TADA3: variants seen among roughly 807,000 people sequenced by gnomAD.
TADA3 encodes the protein transcriptional adaptor 3.
TADA3 carries 25 observed loss-of-function variants against 43.2 expected under a neutral mutation model. The ratio of observed to expected loss-of-function variants is 0.58; its 90% confidence interval spans 0.42 to 0.81. The LOEUF (loss-of-function observed/expected upper bound fraction) is 0.81, where lower values mean the gene tolerates loss of function less well. Ranked by LOEUF, TADA3 falls within the 30% of genes least tolerant of loss-of-function variation. The pLI is 0.00. For missense variants in TADA3, 441 were observed against 567.8 expected (o/e 0.78, Z 2.27); for synonymous variants, 235 against 225.5 (o/e 1.04, Z -0.38).
chr3:9,792,775 G>C, upstream of TADA3: 1 of 1,260,262 alleles, frequency 7.9e-7, no homozygotes, highest in Non-Finnish European at 1.0e-6. Flanking sequence ...GCTTCGGCTT[G>C]TCCTAATTTG....
Position 9,789,412 on chromosome 3 carries a change from G to A in TADA3, c.564+97C>T, listed in dbSNP as rs1454776270. Reference sequence around the variant, plus strand: ...CAGACAGCAGACTGGGCAGGGTTGGGGAAGGAAGATGATGCATGGCTTTGG... The same window carrying A: ...CAGACAGCAGACTGGGCAGGGTTGGAGAAGGAAGATGATGCATGGCTTTGG... On this transcript the variant is annotated intron_variant, in intron 4 of 8. Coordinates refer to ENST00000301964, the MANE Select transcript of TADA3 (RefSeq NM_006354.5). 3 of 1,147,540 alleles carry A rather than the reference G, an allele frequency of 2.6e-6. No individual in the cohort carries two copies. The Admixed American group carries it at 6.7e-5, about 26-fold the overall frequency. The allele number at this position is 1,147,540 out of a possible 1,614,324, so 71.1% of individuals were successfully genotyped here. A position where few individuals can be genotyped will look rare whatever the true frequency, so the allele number is the denominator to read the frequency against.
At position 9,792,356 on chromosome 3, in the gene TADA3, A is replaced by C; in HGVS notation, c.-168T>G. The C allele has an allele frequency of 2.7e-6, 1 of 377,086 alleles. No homozygotes were observed. Among genetic ancestry groups the C allele is most frequent in the East Asian group, 1.4e-4 (1 of 7,400 alleles). 23.4% of individuals were successfully genotyped at this position (377,086 alleles called of 1,614,324 possible). The stretch of plus-strand genomic sequence containing the variant: ...CCCGCCTTCAGAGTCCTCGTTCTCT[A>C]GGGACACCCTAGTGCGACCCCCGCC... On this transcript the variant is annotated 5_prime_UTR_variant, in exon 1 of 9. Transcript: ENST00000301964.
chr3:9,781,833 C>CTTTTTTTT (rs35246642), intron 8 of TADA3, among the ~76,000 whole-genome samples: 14 of 86,868 alleles, frequency 1.6e-4, no homozygotes, highest in Non-Finnish European at 1.9e-4. Flanking sequence ...CCCATTACTT[C>CTTTTTTTT]TTTTTTTTTT....
At chr3:9,785,467 C>T (rs1252308786) in intron 6 of TADA3, 42 bp from the exon 7 acceptor site, 1 of 1,376,918 alleles carries the variant, frequency 7.3e-7, no homozygotes. Context: ...AATAGCTGTT[C>T]CACTTTCCTG....
chr3:9,788,948 G>T (rs1223866065), intron 4 of TADA3, among the ~76,000 whole-genome samples: 2 of 151,700 alleles, frequency 1.3e-5, no homozygotes, highest in Non-Finnish European at 2.9e-5. Context: ...AGATCCTCCT[G>T]ACTCAGCCTC....
At chr3:9,783,918 T>C in intron 8 of TADA3, 110 bp downstream of exon 8, 1 of 1,424,950 alleles carries the variant, frequency 7.0e-7, no homozygotes, top group South Asian at 1.5e-5. Context: ...CCAGGTGATT[T>C]AGAGGCCAGC....
chr3:9,781,738 G>T (rs1427914715), intron 8 of TADA3: 5 of 380,472 alleles, frequency 1.3e-5, no homozygotes, highest in Admixed American at 1.1e-4. Flanking sequence ...TCAGGTCAGG[G>T]GCTGCTTAAG....
chr3:9,780,396 C>T lies in TADA3; in HGVS notation c.1260G>A (p.Leu420=), dbSNP rs1362017933. ...GCTTCAGGATGCTCTCACGCTCCTT[C>T]AGAGTCTTCCAGGCCTGGTCCTTTT... ...KKEKDQAWKT[L]KERESILKLL... The change falls in exon 9 of 9, where the codon CTG becomes CTA. Residue 420 remains leucine, a synonymous_variant. Transcript: ENST00000301964. The T allele has an allele frequency of 6.2e-7, 1 of 1,613,706 alleles. No homozygotes were observed. The highest frequency in any genetic ancestry group is 1.3e-5 in the African/African-American group (1 of 75,008).
chr3:9,787,731 A>G lies in TADA3; in HGVS notation c.565-391T>C, dbSNP rs1033770222. The stretch of plus-strand genomic sequence containing the variant: ...GTCTGTATGAACTCTTTTTCAGATA[A>G]ATTTTTAAGAAATCAGATAAGTGAA... On this transcript the variant is annotated intron_variant, in intron 4 of 8. Coordinates refer to ENST00000301964, the MANE Select transcript of TADA3 (RefSeq NM_006354.5). 7.0e-6 allele frequency: 9 copies of G among 1,294,260 alleles called. No individual in the cohort carries two copies. The East Asian group carries it at 4.9e-4, about 70-fold the overall frequency. 80.2% of individuals were successfully genotyped at this position (1,294,260 alleles called of 1,614,324 possible).
upstream of TADA3, chr3:9,792,985 C>T (rs570914136): frequency 2.1e-6 from 3 of 1,457,986 alleles, no homozygotes; most frequent in Admixed American, 5.2e-5. Flanking sequence ...CGTAAGGGCT[C>T]TCTACCCCGC....
At chr3:9,783,813 G>A (rs893257728) in intron 8 of TADA3, 84 of 758,968 alleles carry the variant, frequency 1.1e-4, no homozygotes, top group South Asian at 3.6e-4. Context: ...CAAATCAATC[G>A]GTCAGTCACA....
At chr3:9,782,475 T>C (rs549549092) in intron 8 of TADA3, among the ~76,000 whole-genome samples, 2 of 152,316 alleles carry the variant, frequency 1.3e-5, no homozygotes, top group South Asian at 2.1e-4. Context: ...CAGCATACAT[T>C]AGTCACTCTT....
intron 4 of TADA3, chr3:9,787,765 G>C (rs769793783): frequency 1.5e-5 from 19 of 1,234,088 alleles, no homozygotes; most frequent in South Asian, 1.4e-4. Context: ...AAGTGAAAGA[G>C]AGAGATCAAA....
intron 2 of TADA3, 72 bp downstream of exon 2, chr3:9,791,188 G>A: frequency 6.8e-7 from 1 of 1,474,166 alleles, no homozygotes; most frequent in Non-Finnish European, 9.3e-7. Context: ...AGCATATGGG[G>A]CTAACTCAAT....
At chr3:9,787,803 GACTA>G (rs1460057309) in intron 4 of TADA3, 24 of 985,566 alleles carry the variant, frequency 2.4e-5, no homozygotes, top group South Asian at 1.9e-4. Context: ...AGGAGAGACT[GACTA>G]ACTTTCTGCT....
Position 9,792,423 on chromosome 3 carries a change from C to A in TADA3, c.-235G>T. The stretch of plus-strand genomic sequence containing the variant: ...TGCGGCCTCCTACGGCCCCAGGGGC[C>A]GCGGGAGGGGGCGGGGAGTTCCGGT... On this transcript the variant is annotated 5_prime_UTR_variant, in exon 1 of 9. Coordinates refer to ENST00000301964, the MANE Select transcript of TADA3 (RefSeq NM_006354.5). 9.5e-7 allele frequency: 1 copy of A among 1,054,620 alleles called. No homozygotes were observed. The highest frequency in any genetic ancestry group is 1.2e-6 in the Non-Finnish European group (1 of 862,908). The allele number at this position is 1,054,620 out of a possible 1,614,324, so 65.3% of individuals were successfully genotyped here. A position where few individuals can be genotyped will look rare whatever the true frequency, so the allele number is the denominator to read the frequency against.
At chr3:9,792,891 G>A (rs1559723527), upstream of TADA3, 6 of 1,386,922 alleles carry the variant, frequency 4.3e-6, no homozygotes, top group Non-Finnish European at 4.6e-6. Context: ...CATTCCTGGA[G>A]GAGCTTAAAT....
chr3:9,789,957 T>C lies in TADA3; in HGVS notation c.214A>G (p.Thr72Ala). The change falls in exon 3 of 9, where the codon ACC (threonine) becomes GCC (alanine). Residue 72 changes from threonine (T) to alanine (A), a missense_variant. Thr to Ala is a moderately conservative substitution (Grantham distance 58, BLOSUM62 0). Coordinates refer to ENST00000301964, the MANE Select transcript of TADA3 (RefSeq NM_006354.5). ...RVLEAETQIL[T>A]DWQDKKGDRR... ...TCACCTTTCTTATCCTGCCAGTCGGTGAGGATCTGAAATTTACAGAAAGTG... is the reference window on the plus strand; with the variant it reads ...TCACCTTTCTTATCCTGCCAGTCGGCGAGGATCTGAAATTTACAGAAAGTG... The C allele has an allele frequency of 6.3e-7, 1 of 1,593,244 alleles. No individual in the cohort carries two copies. Among genetic ancestry groups the C allele is most frequent in the Non-Finnish European group, 8.5e-7 (1 of 1,170,726 alleles).
chr3:9,784,247 G>GCCAGCTTGGAGAAGGGC (rs1274668648), intron 7 of TADA3, 34 bp from the exon 8 acceptor site: 2 of 1,586,190 alleles, frequency 1.3e-6, no homozygotes, highest in African/African-American at 1.3e-5. Context: ...AGACTCAAGA[G>GCCAGCTTGGAGAAGGGC]CCAGCTTGGA....
Sources: gnomAD v4.1 joint callset for allele counts (sites outside exome capture counted in the v4.1 genomes callset) on GRCh38, gnomAD v4.1.1 for gene constraint, MANE v1.5 for transcripts, NCBI Gene and HGNC (gene_info 2026-07-23, HGNC 2026-07-21) for gene names.